Variants in C4orf50 observed in about 807,000 individuals in gnomAD.
C4orf50 encodes the protein chromosome 4 open reading frame 50.
In C4orf50, 80 loss-of-function variants were observed where a neutral mutation model predicts 77.2. The observed-to-expected ratio is 1.04, with a 90% CI of 0.87 to 1.25. The LOEUF (loss-of-function observed/expected upper bound fraction) is 1.25, where lower values mean the gene tolerates loss of function less well. Ranked by LOEUF, C4orf50 falls within the 50% of genes most tolerant of loss-of-function variation. C4orf50 has a pLI of 0.00. For synonymous variants in C4orf50, 532 were observed against 465.3 expected (o/e 1.14, Z -1.84); for missense variants, 1,257 against 1,152.9 (o/e 1.09, Z -1.31).
chr4:5,911,373 A>G (rs1210572951), intron 7 of C4orf50, among the ~76,000 whole-genome samples: 2 of 152,220 alleles, frequency 1.3e-5, no homozygotes. Context: ...GGACAACTCC[A>G]ACTATTGGGG....
intron 25 of C4orf50, among the ~76,000 whole-genome samples, chr4:5,998,520 G>A (rs960869314): frequency 6.6e-6 from 1 of 152,206 alleles, no homozygotes; most frequent in Admixed American, 6.5e-5. Flanking sequence ...GTCACTCTAC[G>A]CACACTGCCA....
At position 5,970,775 on chromosome 4, in the gene C4orf50, C is replaced by T. The variant is rs1169396601; in HGVS notation, c.4104+2884G>A. 6.6e-6 allele frequency among the ~76,000 whole-genome samples: 1 copy of T among 152,320 alleles called. No individual in the cohort carries two copies. Among genetic ancestry groups the T allele is most frequent in the East Asian group, 1.9e-4 (1 of 5,166 alleles). ...CTCCTGAAAGGGTAGAGCTTAGTGG[C>T]CTCAGCCCAAGGCCCAGCCCCCACC... is the stretch of plus-strand genomic sequence containing the variant. On this transcript the variant is annotated intron_variant, in intron 31 of 33. Transcript: ENST00000531445. The surrounding 1 kb of genome is among the most constrained non-coding windows in gnomAD (Gnocchi z 4.3).
At chr4:6,003,974 G>A (rs528158030) in intron 25 of C4orf50, among the ~76,000 whole-genome samples, 21 of 147,578 alleles carry the variant, frequency 1.4e-4, no homozygotes, top group Admixed American at 2.7e-4. Flanking sequence ...ATGTGATGGC[G>A]ATGATAGTGA....
chr4:6,010,016 C>CA (rs1316415657), intron 24 of C4orf50, among the ~76,000 whole-genome samples: 5 of 152,212 alleles, frequency 3.3e-5, no homozygotes, highest in Non-Finnish European at 5.9e-5. Flanking sequence ...CTGGTCCCTG[C>CA]AGTACCTTTC....
intron 7 of C4orf50, among the ~76,000 whole-genome samples, chr4:5,947,291 C>T (rs990685416): frequency 1.3e-5 from 2 of 151,988 alleles, no homozygotes; most frequent in Non-Finnish European, 2.9e-5. Context: ...CCAATTTGAG[C>T]AGTTGGAGAG....
intron 33 of C4orf50, among the ~76,000 whole-genome samples, 162 bp downstream of exon 11, chr4:5,964,862 G>A (rs1432071819): frequency 6.6e-6 from 1 of 151,956 alleles, no homozygotes; most frequent in African/African-American, 2.4e-5. Context: ...GGAGACTGAG[G>A]GTGAAACCAG....
At chr4:6,004,220 G>GATA (rs1722076721) in intron 25 of C4orf50, among the ~76,000 whole-genome samples, 1 of 92,576 alleles carries the variant, frequency 1.1e-5, no homozygotes. Context: ...TGGTGATGGT[G>GATA]ATGATGTGAT....
intron 25 of C4orf50, among the ~76,000 whole-genome samples, chr4:6,005,188 C>G (rs1401180728): frequency 6.6e-6 from 1 of 152,226 alleles, no homozygotes; most frequent in Non-Finnish European, 1.5e-5. Flanking sequence ...CTACACTCCA[C>G]AGGTTCCTGG....
At chr4:5,973,911 G>T in intron 30 of C4orf50, 70 bp from the exon 9 acceptor site, 1 of 1,317,862 alleles carries the variant, frequency 7.6e-7, no homozygotes, top group Non-Finnish European at 1.0e-6. Flanking sequence ...AGGGCTGGGG[G>T]CCGGAGGGTC....
downstream of C4orf50, among the ~76,000 whole-genome samples, chr4:5,953,604 C>T (rs1718821255): frequency 6.6e-6 from 1 of 152,216 alleles, no homozygotes; most frequent in African/African-American, 2.4e-5. Flanking sequence ...CACGGCAGGA[C>T]TGTTCTCAGG....
intron 31 of C4orf50, among the ~76,000 whole-genome samples, chr4:5,971,761 T>C (rs1044555930): frequency 6.6e-6 from 1 of 152,218 alleles, no homozygotes; most frequent in Non-Finnish European, 1.5e-5. Flanking sequence ...CTCTTTCTCA[T>C]AGGATATTTA....
intron 7 of C4orf50, among the ~76,000 whole-genome samples, chr4:5,928,038 G>T (rs1451962129): frequency 6.6e-6 from 1 of 152,186 alleles, no homozygotes; most frequent in East Asian, 1.9e-4. Flanking sequence ...GCTTCCTGCA[G>T]GCCTCTGCAA....
chr4:5,994,056 C>T (rs527818316), intron 26 of C4orf50, among the ~76,000 whole-genome samples: 111 of 152,222 alleles, frequency 7.3e-4, no homozygotes, highest in Non-Finnish European at 6.9e-4. Flanking sequence ...AACCTGCTGG[C>T]CTATGAGGCC....
intron 7 of C4orf50, among the ~76,000 whole-genome samples, chr4:5,920,069 A>C (rs1023220167): frequency 4.6e-5 from 7 of 152,264 alleles, no homozygotes; most frequent in African/African-American, 1.7e-4. Flanking sequence ...GATTTACAGC[A>C]CACACTGTGT....
intron 25 of C4orf50, among the ~76,000 whole-genome samples, chr4:6,003,786 ATGG>A (rs1198690032): frequency 1.3e-4 from 18 of 140,780 alleles, no homozygotes; most frequent in Admixed American, 4.3e-4. Flanking sequence ...GATGATGGTG[ATGG>A]TGATGATGGT....
chr4:5,982,868 G>A (rs961206455), intron 28 of C4orf50, among the ~76,000 whole-genome samples: 1 of 152,136 alleles, frequency 6.6e-6, no homozygotes, highest in Non-Finnish European at 1.5e-5. Flanking sequence ...AGAGGTGGAT[G>A]AAGAAGGTGA....
intron 7 of C4orf50, among the ~76,000 whole-genome samples, chr4:5,924,481 A>G (rs750464465): frequency 1.3e-5 from 2 of 152,178 alleles, no homozygotes; most frequent in Non-Finnish European, 2.9e-5. Flanking sequence ...GCAGGAGCAG[A>G]GAGCAGGAAA....
chr4:5,933,044 G>A (rs920220230), intron 7 of C4orf50, among the ~76,000 whole-genome samples: 6 of 152,066 alleles, frequency 3.9e-5, no homozygotes, highest in South Asian at 4.2e-4. Context: ...CCAGCACCAG[G>A]GATCAGGACC....
At chr4:6,014,608 T>A (rs1309054337) in intron 23 of C4orf50, among the ~76,000 whole-genome samples, 1 of 152,184 alleles carries the variant, frequency 6.6e-6, no homozygotes. Context: ...ATTGCAACAT[T>A]CACCTGAAAT....
Sources: gnomAD v4.1 joint callset for allele counts (sites outside exome capture counted in the v4.1 genomes callset) on GRCh38, gnomAD v4.1.1 for gene constraint, Gnocchi (gnomAD v3.1) non-coding constraint, MANE v1.5 for transcripts, NCBI Gene and HGNC (gene_info 2026-07-23, HGNC 2026-07-21) for gene names.